Variants in USP34 observed in about 807,000 individuals in gnomAD.
The protein encoded by USP34 is ubiquitin carboxyl-terminal hydrolase 34.
In USP34, 70 loss-of-function variants were observed where a neutral mutation model predicts 460.3. The observed-to-expected ratio is 0.15, with a 90% confidence interval of 0.13 to 0.19. The LOEUF (loss-of-function observed/expected upper bound fraction) is 0.19, where lower values mean the gene tolerates loss of function less well. USP34 is among the 10% of genes least tolerant of loss of function. The pLI, the probability that USP34 is intolerant of heterozygous loss-of-function variation, is 1.00. For synonymous variants in USP34, 1,647 were observed against 1,405.3 expected, an observed-to-expected ratio of 1.17 and a Z score of -3.85; for missense variants, 3,985 against 4,236.2, an observed-to-expected ratio of 0.94 and a Z score of 1.65.
At chr2:61,260,502 C>T (rs529521711) in intron 43 of USP34, among the ~76,000 whole-genome samples, 4 of 152,252 alleles carry the variant, frequency 2.6e-5, no homozygotes, top group Admixed American at 2.0e-4. Flanking sequence ...TAAGAGTATA[C>T]ATTAGTTATT....
intron 48 of USP34, among the ~76,000 whole-genome samples, chr2:61,254,031 G>C (rs1688657398): frequency 6.6e-6 from 1 of 152,118 alleles, no homozygotes; most frequent in Non-Finnish European, 1.5e-5. Flanking sequence ...CACCGTGCCT[G>C]GCCTGTTGCC....
chr2:61,466,653 T>C (rs571558453), intron 1 of USP34, among the ~76,000 whole-genome samples: 1 of 152,290 alleles, frequency 6.6e-6, no homozygotes, highest in South Asian at 2.1e-4. Context: ...GGCTCACTCC[T>C]GTAATTGCAG....
At chr2:61,289,849 A>G (rs1350096121) in intron 33 of USP34, among the ~76,000 whole-genome samples, 2 of 152,156 alleles carry the variant, frequency 1.3e-5, no homozygotes, top group African/African-American at 2.4e-5. Context: ...GCAGAGGAGA[A>G]AAGTCTTTGT....
At chr2:61,220,106 ATAG>A (rs1431244878) in intron 67 of USP34, 3 of 445,332 alleles carry the variant, frequency 6.7e-6, no homozygotes, top group Non-Finnish European at 1.1e-5. Flanking sequence ...AACAAAAATG[ATAG>A]TAGTGATGAT....
intron 40 of USP34, 29 bp from the exon 41 acceptor site, chr2:61,278,314 G>A (rs987261512): frequency 6.2e-7 from 1 of 1,611,082 alleles, no homozygotes; most frequent in Non-Finnish European, 8.5e-7. Context: ...ATACACACAA[G>A]CAAGATAGTT....
rs929382723 is a variant in USP34 at position 61,470,744 on chromosome 2, C to A, written c.-52G>T. The A allele has an allele frequency of 3.3e-6, 5 of 1,530,176 alleles. No individual in the cohort carries two copies. In the African/African-American group the frequency reaches 7.1e-5, roughly 22 times the overall value. The allele number at this position is 1,530,176 out of a possible 1,614,324, so 94.8% of individuals were successfully genotyped here. A position where few individuals can be genotyped will look rare whatever the true frequency, so the allele number is the denominator to read the frequency against. On this transcript the variant is annotated 5_prime_UTR_variant, in exon 1 of 80. Coordinates refer to ENST00000398571, the MANE Select transcript of USP34 (RefSeq NM_014709.4). ...CCGCTTCGGATCACACTGACTGATC[C>A]CGACCGGCGGGGGGGAGGGGAGAGA...
At chr2:61,314,801 C>G (rs1422007943) in intron 24 of USP34, 57 bp from the exon 25 acceptor site, 2 of 1,584,882 alleles carry the variant, frequency 1.3e-6, no homozygotes, top group Non-Finnish European at 1.7e-6. Flanking sequence ...TTAGCTATAT[C>G]AAAGAAAAAT....
chr2:61,388,536 C>A (rs951312486), intron 5 of USP34, among the ~76,000 whole-genome samples: 21 of 150,198 alleles, frequency 1.4e-4, no homozygotes, highest in Non-Finnish European at 1.5e-5. Context: ...GCAGGCGGAT[C>A]ATGAGGTCAG....
At chr2:61,426,860 C>T (rs1480273864) in intron 1 of USP34, among the ~76,000 whole-genome samples, 5 of 152,170 alleles carry the variant, frequency 3.3e-5, no homozygotes, top group Non-Finnish European at 5.9e-5. Context: ...CTCAGGACAG[C>T]GAGACCGTGT....
rs960497031 is a variant in USP34 at position 61,322,953 on chromosome 2, C to G, written c.3013+2422G>C. Among the ~76,000 whole-genome samples, 6 of 130,164 alleles carry G rather than the reference C, an allele frequency of 4.6e-5. No homozygotes were observed. In the East Asian group the frequency reaches 1.1e-3, roughly 24 times the overall value. The allele number at this position is 130,164 out of a possible 152,430, so 85.4% of individuals were successfully genotyped here. A position where few individuals can be genotyped will look rare whatever the true frequency, so the allele number is the denominator to read the frequency against. Reference sequence around the variant, plus strand: ...TCACCAATCCACATTCAATGAGCAACTTAAACACTTTTGTTATTTTTTAAA... The same window carrying G: ...TCACCAATCCACATTCAATGAGCAAGTTAAACACTTTTGTTATTTTTTAAA... On this transcript the variant is annotated intron_variant, in intron 21 of 79. Transcript: ENST00000398571.
chr2:61,259,866 G>GT (rs1688825921), intron 43 of USP34, 90 bp from the exon 44 acceptor site: 2 of 1,137,744 alleles, frequency 1.8e-6, no homozygotes, highest in Admixed American at 2.1e-5. Flanking sequence ...AATGTACACT[G>GT]TATCTGTTTT....
chr2:61,211,718 A>G, intron 69 of USP34, 54 bp downstream of exon 69: 1 of 1,467,470 alleles, frequency 6.8e-7, no homozygotes, highest in South Asian at 1.4e-5. Context: ...CATCAAAAGG[A>G]TGGTCCTCAT....
intron 43 of USP34, 165 bp downstream of exon 43, chr2:61,265,232 A>C (rs1253337601): frequency 1.7e-5 from 13 of 751,024 alleles, no homozygotes; most frequent in Non-Finnish European, 2.7e-5. Context: ...TAATCTACTA[A>C]AATGTATAAC....
chr2:61,384,182 C>G (rs1239812483), intron 5 of USP34, among the ~76,000 whole-genome samples: 2 of 152,022 alleles, frequency 1.3e-5, no homozygotes, highest in South Asian at 4.1e-4. Flanking sequence ...ACTTACAGCT[C>G]GACTGAGTTA....
chr2:61,221,437 G>A, intron 66 of USP34, 65 bp downstream of exon 66: 6 of 1,405,156 alleles, frequency 4.3e-6, no homozygotes, highest in Non-Finnish European at 5.8e-6. Flanking sequence ...AAATGGTAGT[G>A]ACTATATTAT....
At chr2:61,210,904 A>C (rs1292530554) in intron 69 of USP34, among the ~76,000 whole-genome samples, 4 of 152,266 alleles carry the variant, frequency 2.6e-5, no homozygotes, top group African/African-American at 9.6e-5. Context: ...ATTTATATAG[A>C]GATGGGGTTT....
At chr2:61,292,231 T>C (rs1689878677) in intron 33 of USP34, among the ~76,000 whole-genome samples, 1 of 151,556 alleles carries the variant, frequency 6.6e-6, no homozygotes, top group African/African-American at 2.4e-5. Flanking sequence ...TCAACTAAAC[T>C]CATTTGAAAA....
intron 5 of USP34, among the ~76,000 whole-genome samples, chr2:61,388,573 G>A (rs1367807085): frequency 1.3e-5 from 2 of 151,742 alleles, no homozygotes; most frequent in Non-Finnish European, 2.9e-5. Context: ...TAGCTAACAC[G>A]GTGAAACCCT....
intron 27 of USP34, among the ~76,000 whole-genome samples, chr2:61,308,732 T>C (rs1263932269): frequency 6.6e-6 from 1 of 152,132 alleles, no homozygotes; most frequent in Non-Finnish European, 1.5e-5. Flanking sequence ...GACTGATTAA[T>C]GTCTGTAAGA....
Sources: allele counts gnomAD v4.1 joint callset (sites outside exome capture counted in the v4.1 genomes callset), GRCh38; gene constraint gnomAD v4.1.1; transcripts MANE v1.5; gene names NCBI Gene and HGNC (gene_info 2026-07-23, HGNC 2026-07-21).